IARS2: variants seen among roughly 807,000 people sequenced by gnomAD.
The protein encoded by IARS2 is isoleucyl-tRNA synthetase 2, mitochondrial.
A neutral mutation model predicts 126.3 loss-of-function variants in IARS2; 56 were observed. The observed-to-expected ratio is 0.44, with a 90% CI of 0.36 to 0.55. The LOEUF is 0.55. IARS2 is among the 20% of genes least tolerant of loss of function. The pLI is 0.00. For synonymous variants in IARS2, 407 were observed against 441.1 expected (o/e 0.92, Z 0.97); for missense variants, 1,127 against 1,245.9 (o/e 0.90, Z 1.44).
At position 220,102,624 on chromosome 1, in the gene IARS2, T is replaced by A; in HGVS notation, c.859+20T>A. 1 of 1,586,494 alleles carries A rather than the reference T, an allele frequency of 6.3e-7. No homozygotes were observed. The highest frequency in any genetic ancestry group is 1.3e-5 in the African/African-American group (1 of 74,434). On this transcript the variant is annotated intron_variant, in intron 6 of 22. Coordinates refer to ENST00000366922, the MANE Select transcript of IARS2 (RefSeq NM_018060.4). ...TTATAGGTAAGATTTATTCATAGCT[T>A]GAGTGTACCAAAGTTATAGAATTAT...
At chr1:220,137,191 A>T (rs1196857732) in intron 16 of IARS2, among the ~76,000 whole-genome samples, 2 of 152,116 alleles carry the variant, frequency 1.3e-5, no homozygotes, top group African/African-American at 4.8e-5. Context: ...AAGCGTGATG[A>T]TTGGGTTTTC....
intron 7 of IARS2, among the ~76,000 whole-genome samples, chr1:220,103,126 C>T (rs1253907257): frequency 2.0e-5 from 3 of 151,982 alleles, no homozygotes; most frequent in Admixed American, 6.6e-5. Context: ...CCACAACCTC[C>T]ACCTCCCGGG....
At chr1:220,120,941 C>T (rs1489834988) in intron 12 of IARS2, among the ~76,000 whole-genome samples, 1 of 152,052 alleles carries the variant, frequency 6.6e-6, no homozygotes, top group African/African-American at 2.4e-5. Flanking sequence ...TTTCATAATT[C>T]ACAATATAAA....
intron 2 of IARS2, among the ~76,000 whole-genome samples, chr1:220,097,626 G>T (rs1656474448): frequency 6.6e-6 from 1 of 152,044 alleles, no homozygotes; most frequent in Admixed American, 6.6e-5. Context: ...GCCTCCCAAA[G>T]TGCTGGGATT....
chr1:220,123,872 T>TGACG (rs1223750555), intron 12 of IARS2, among the ~76,000 whole-genome samples: 5 of 152,248 alleles, frequency 3.3e-5, no homozygotes, highest in Non-Finnish European at 5.9e-5. Flanking sequence ...GGCCCAGACC[T>TGACG]GACGTCAAAT....
At chr1:220,112,555 CTTTTTTTT>C (rs750583631) in intron 11 of IARS2, among the ~76,000 whole-genome samples, 2 of 116,110 alleles carry the variant, frequency 1.7e-5, no homozygotes, top group Admixed American at 9.7e-5. Flanking sequence ...AAGATAAGCT[CTTTTTTTT>C]TTTTTTTTTT....
chr1:220,125,482 A>G (rs1657132688), intron 13 of IARS2, 143 bp downstream of exon 13: 4 of 597,040 alleles, frequency 6.7e-6, no homozygotes, highest in Non-Finnish European at 1.2e-5. Flanking sequence ...TGCAGTGTGA[A>G]AGTAGACATT....
intron 21 of IARS2, chr1:220,143,999 A>G (rs879071643): frequency 4.6e-6 from 7 of 1,525,464 alleles, no homozygotes; most frequent in Admixed American, 1.7e-5. Context: ...GTGTGTTTTC[A>G]TCTTGCTTCT....
intron 19 of IARS2, among the ~76,000 whole-genome samples, chr1:220,141,425 G>T (rs1274664736): frequency 6.6e-6 from 1 of 152,208 alleles, no homozygotes; most frequent in Non-Finnish European, 1.5e-5. Flanking sequence ...CAGCCTGTCA[G>T]CACCCCAAGG....
intron 11 of IARS2, among the ~76,000 whole-genome samples, chr1:220,112,812 G>C (rs1406404177): frequency 3.3e-5 from 5 of 151,880 alleles, no homozygotes; most frequent in Non-Finnish European, 5.9e-5. Flanking sequence ...GCCTGCTTCG[G>C]CCTCTCAGAG....
chr1:220,140,330 G>C, intron 19 of IARS2, 41 bp downstream of exon 19: 1 of 1,225,982 alleles, frequency 8.2e-7, no homozygotes, highest in Non-Finnish European at 1.2e-6. Context: ...CAATGGCCAG[G>C]TGTGGTGACT....
intron 14 of IARS2, among the ~76,000 whole-genome samples, chr1:220,130,677 C>G (rs1354039139): frequency 1.3e-5 from 2 of 152,180 alleles, no homozygotes; most frequent in African/African-American, 4.8e-5. Context: ...CCTGCCCCAG[C>G]CTCCCGAGTA....
At chr1:220,117,503 CTTCTT>C (rs1309617378) in intron 12 of IARS2, among the ~76,000 whole-genome samples, 1 of 152,004 alleles carries the variant, frequency 6.6e-6, no homozygotes, top group Non-Finnish European at 1.5e-5. Context: ...CCCGGCTACT[CTTCTT>C]TTCACTATTT....
chr1:220,120,033 T>A (rs1309508526), intron 12 of IARS2, among the ~76,000 whole-genome samples: 1 of 152,064 alleles, frequency 6.6e-6, no homozygotes, highest in Non-Finnish European at 1.5e-5. Flanking sequence ...GTGGGTTATA[T>A]GTCTGTTTAT....
rs1322617138 is a variant in IARS2 at position 220,094,455 on chromosome 1, A to G, written c.239A>G (p.Gln80Arg). 6.2e-7 allele frequency: 1 copy of G among 1,610,226 alleles called. No homozygotes were observed. The highest frequency in any genetic ancestry group is 8.5e-7 in the Non-Finnish European group (1 of 1,178,736). ...CCCATGAAGCTGCTGGGCCGCCAGC[A>G]GCCGGACACGGAGCTGGAGATCCAG... is the stretch of plus-strand genomic sequence containing the variant. ...SFPMKLLGRQ[Q>R]PDTELEIQQK... The change falls in exon 1 of 23, where the codon CAG becomes CGG. Residue 80 changes from glutamine to arginine, a missense_variant. By Grantham distance (43) the Gln-to-Arg change is conservative (BLOSUM62 1). Coordinates refer to ENST00000366922, the MANE Select transcript of IARS2 (RefSeq NM_018060.4).
At chr1:220,139,274 G>T (rs1657441444) in intron 18 of IARS2, 135 bp downstream of exon 18, 1 of 557,114 alleles carries the variant, frequency 1.8e-6, no homozygotes, top group Non-Finnish European at 2.9e-6. Flanking sequence ...AATATGTCCA[G>T]ACTTCCCCTC....
At chr1:220,110,133 C>T (rs950434133) in intron 10 of IARS2, among the ~76,000 whole-genome samples, 6 of 151,188 alleles carry the variant, frequency 4.0e-5, no homozygotes, top group African/African-American at 1.2e-4. Context: ...CGGTTCACTA[C>T]AGCCTCCGCT....
chr1:220,140,861 G>A (rs1389063523), intron 19 of IARS2, among the ~76,000 whole-genome samples: 1 of 151,776 alleles, frequency 6.6e-6, no homozygotes, highest in Non-Finnish European at 1.5e-5. Context: ...GCGGGTGCCT[G>A]TAGTTCCAGC....
intron 15 of IARS2, among the ~76,000 whole-genome samples, chr1:220,136,138 C>CT (rs1320069855): frequency 1.3e-5 from 2 of 151,980 alleles, no homozygotes; most frequent in Admixed American, 1.3e-4. Flanking sequence ...CTAAGAATGA[C>CT]TTTTTTTGTT....
Sources: gnomAD v4.1 joint callset for allele counts (sites outside exome capture counted in the v4.1 genomes callset) on GRCh38, gnomAD v4.1.1 for gene constraint, MANE v1.5 for transcripts, NCBI Gene and HGNC (gene_info 2026-07-23, HGNC 2026-07-21) for gene names.